DDX43: variants seen among roughly 807,000 people sequenced by gnomAD.
DDX43 encodes probable ATP-dependent RNA helicase DDX43.
In DDX43, 50 loss-of-function variants were observed where a neutral mutation model predicts 84.9. The ratio of observed to expected loss-of-function variants is 0.59; its 90% CI spans 0.47 to 0.75. DDX43 has a LOEUF of 0.75. DDX43 is among the 30% of genes least tolerant of loss of function. DDX43 has a pLI of 0.00. For synonymous variants in DDX43, 291 were observed against 266.3 expected (o/e 1.09, Z -0.90); for missense variants, 689 against 798.6 (o/e 0.86, Z 1.65).
chr6:73,405,845 C>A lies in DDX43; in HGVS notation c.807+10C>A. 1.2e-6 allele frequency: 2 copies of A among 1,610,456 alleles called. No homozygotes were observed. Among genetic ancestry groups the A allele is most frequent in the South Asian group, 1.1e-5 (1 of 90,578 alleles). Reference sequence around the variant, plus strand: ...GCCAACACCTATTCAGGTATGCTTTCATTAATTACAATATTTCACTCAATG... The same window carrying A: ...GCCAACACCTATTCAGGTATGCTTTAATTAATTACAATATTTCACTCAATG... On this transcript the variant is annotated intron_variant, in intron 6 of 16. Coordinates refer to ENST00000370336, the MANE Select transcript of DDX43 (RefSeq NM_018665.3).
In DDX43 at chr6:73,416,775, G is replaced by A. The variant is rs148379313; in HGVS notation, c.*26-412G>A. 2.6e-3 allele frequency among the ~76,000 whole-genome samples: 403 copies of A among 152,318 alleles called. 3 individuals carry two copies. The highest frequency in any genetic ancestry group is 4.9e-3 in the Non-Finnish European group (336 of 68,024). ...TTGGAGGCCATACACAGTGGCTCAC[G>A]CTTTTAATCCCAGCACTTTTTGGGA... On this transcript the variant is annotated intron_variant, in intron 16 of 16. Coordinates refer to ENST00000370336, the MANE Select transcript of DDX43 (RefSeq NM_018665.3).
At chr6:73,413,008 G>A (rs1278451997) in intron 11 of DDX43, among the ~76,000 whole-genome samples, 3 of 152,166 alleles carry the variant, frequency 2.0e-5, no homozygotes, top group African/African-American at 7.2e-5. Flanking sequence ...GATTACAGGC[G>A]TGAGCCACCG....
At position 73,415,496 on chromosome 6, in the gene DDX43, G is replaced by C. The variant is rs772287084; in HGVS notation, c.1746-1G>C. ...ATGAGTTTTTTTCCCCCACACTAAAGGAGGACTGGTGTTTCCATTACAACT... is the reference window on the plus strand; with the variant it reads ...ATGAGTTTTTTTCCCCCACACTAAACGAGGACTGGTGTTTCCATTACAACT... On this transcript the variant is annotated splice_acceptor_variant, in intron 14 of 16. Transcript: ENST00000370336. LOFTEE classifies it high-confidence loss of function. 6.2e-7 allele frequency: 1 copy of C among 1,609,376 alleles called. No individual in the cohort carries two copies. Among genetic ancestry groups the C allele is most frequent in the African/African-American group, 1.3e-5 (1 of 74,748 alleles).
At chr6:73,399,023 G>A (rs576808591) in intron 2 of DDX43, among the ~76,000 whole-genome samples, 8 of 152,122 alleles carry the variant, frequency 5.3e-5, no homozygotes, top group South Asian at 2.1e-4. Flanking sequence ...TTAGCTCACC[G>A]CAACCACTGC....
chr6:73,415,897 A>C (rs1769889795), intron 15 of DDX43, among the ~76,000 whole-genome samples: 1 of 152,166 alleles, frequency 6.6e-6, no homozygotes, highest in African/African-American at 2.4e-5. Context: ...TATGTAGAAA[A>C]TGCTACCATA....
chr6:73,412,679 G>A (rs1264745558), intron 11 of DDX43, among the ~76,000 whole-genome samples: 7 of 94,812 alleles, frequency 7.4e-5, no homozygotes, highest in Non-Finnish European at 1.6e-4. Context: ...GCGCGCGCGC[G>A]TGTGTGTGTG....
At chr6:73,399,860 T>C (rs376851650) in intron 2 of DDX43, among the ~76,000 whole-genome samples, 2 of 152,268 alleles carry the variant, frequency 1.3e-5, no homozygotes, top group African/African-American at 4.8e-5. Flanking sequence ...GCCCTACAAT[T>C]CTGTAAAATT....
chr6:73,415,595 G>A lies in DDX43; in HGVS notation c.1833+11G>A. 10 of 1,578,762 alleles carry A rather than the reference G, an allele frequency of 6.3e-6. No homozygotes were observed. The highest frequency in any genetic ancestry group is 8.7e-6 in the Non-Finnish European group (10 of 1,151,624). ...GAAAGAGCAAATCAGGTGAGACTAT[G>A]CAATTCATTAGAAATCTACCTGTTA... On this transcript the variant is annotated intron_variant, in intron 15 of 16. Transcript: ENST00000370336.
chr6:73,401,370 A>T (rs1769565149), intron 3 of DDX43, among the ~76,000 whole-genome samples: 1 of 152,282 alleles, frequency 6.6e-6, no homozygotes, highest in East Asian at 1.9e-4. Context: ...CAAACATTAG[A>T]CTTGTGCTAT....
chr6:73,413,996 T>C lies in DDX43; in HGVS notation c.1523T>C (p.Ile508Thr), dbSNP rs770633532. 9 of 1,611,674 alleles carry C rather than the reference T, an allele frequency of 5.6e-6. No homozygotes were observed. Among genetic ancestry groups the C allele is most frequent in the Non-Finnish European group, 7.6e-6 (9 of 1,177,810 alleles). The part of the protein sequence containing the change: ...AVADHLSSDL[I>T]LGNISVESLH... ...GCGGATCACTTATCAAGTGACCTAA[T>C]ACTTGGAAATATATCAGTAGAGTCT... The change falls in exon 13 of 17, where the codon ATA becomes ACA. Residue 508 changes from isoleucine to threonine, a missense_variant. Around this residue, in one of 2 missense-constraint regions of DDX43, gnomAD observed 552 missense variants for 692.7 expected, o/e 0.80. Transcript: ENST00000370336.
chr6:73,397,584 G>C (rs1265262133), intron 1 of DDX43, 105 bp from the exon 2 acceptor site: 2 of 868,274 alleles, frequency 2.3e-6, no homozygotes, highest in Non-Finnish European at 3.7e-6. Flanking sequence ...AACCCTAGGA[G>C]CATTTGGGGG....
At chr6:73,402,886 T>C (rs988998437) in intron 4 of DDX43, among the ~76,000 whole-genome samples, 3 of 152,168 alleles carry the variant, frequency 2.0e-5, no homozygotes, top group African/African-American at 2.4e-5. Context: ...GCCCTTTTGT[T>C]TGAATTTTAA....
intron 14 of DDX43, among the ~76,000 whole-genome samples, chr6:73,415,147 A>G (rs1769877223): frequency 6.6e-6 from 1 of 151,982 alleles, no homozygotes; most frequent in Admixed American, 6.6e-5. Context: ...AATACAAAAA[A>G]TTGACCTGGG....
intron 4 of DDX43, among the ~76,000 whole-genome samples, chr6:73,403,424 T>C (rs1439748518): frequency 1.3e-5 from 2 of 152,026 alleles, no homozygotes; most frequent in Admixed American, 6.5e-5. Context: ...GAGCCGAGAT[T>C]GCATCATTGC....
At chr6:73,398,990 G>C (rs1017993612) in intron 2 of DDX43, among the ~76,000 whole-genome samples, 7 of 152,022 alleles carry the variant, frequency 4.6e-5, no homozygotes, top group African/African-American at 1.7e-4. Context: ...CTGTCGCCCA[G>C]GCTGAAGTGC....
At chr6:73,411,288 T>A (rs1036095893) in intron 10 of DDX43, among the ~76,000 whole-genome samples, 1 of 151,542 alleles carries the variant, frequency 6.6e-6, no homozygotes, top group African/African-American at 2.4e-5. Context: ...GGAGATAAAA[T>A]TAACCTAATA....
chr6:73,415,475 G>A (rs1562287025), intron 14 of DDX43, 22 bp from the exon 15 acceptor site: 1 of 1,569,728 alleles, frequency 6.4e-7, no homozygotes, highest in Admixed American at 1.7e-5. Flanking sequence ...GAATACATGA[G>A]TTTTTTTCCC....
chr6:73,415,475 GT>G lies in DDX43; in HGVS notation c.1746-15del, dbSNP rs563618214. On this transcript the variant is annotated intron_variant, in intron 14 of 16. Coordinates refer to ENST00000370336, the MANE Select transcript of DDX43 (RefSeq NM_018665.3). ...TATTAACTGAATAATGAATACATGA[GT>G]TTTTTTCCCCCACACTAAAGGAGGA... The G allele has an allele frequency of 1.1e-3, 1,723 of 1,569,698 alleles. 10 individuals are homozygous for G. The highest frequency in any genetic ancestry group is 8.0e-4 in the Non-Finnish European group (917 of 1,142,750).
intron 16 of DDX43, among the ~76,000 whole-genome samples, 169 bp downstream of exon 16, chr6:73,416,420 G>A (rs763355521): frequency 2.0e-5 from 3 of 152,136 alleles, no homozygotes; most frequent in Non-Finnish European, 4.4e-5. Flanking sequence ...AAGAATGAAA[G>A]CCAGGTCTTT....
Sources: gnomAD v4.1 joint callset for allele counts (sites outside exome capture counted in the v4.1 genomes callset) on GRCh38, gnomAD v4.1.1 for gene constraint, gnomAD v4.1.1 regional missense constraint, MANE v1.5 for transcripts, NCBI Gene and HGNC (gene_info 2026-07-23, HGNC 2026-07-21) for gene names.